ATP2A1: variants seen among roughly 807,000 people sequenced by gnomAD.
ATP2A1 encodes the protein sarcoplasmic/endoplasmic reticulum calcium ATPase 1.
Under a neutral mutation model 109.5 loss-of-function variants are expected in ATP2A1, and 83 were observed. The ratio of observed to expected loss-of-function variants is 0.76; its 90% CI spans 0.63 to 0.91. The LOEUF (loss-of-function observed/expected upper bound fraction) is 0.91. ATP2A1 is among the 40% of genes least tolerant of loss of function. The pLI is 0.00. For synonymous variants in ATP2A1, 505 were observed against 537.6 expected (o/e 0.94, Z 0.84); for missense variants, 1,101 against 1,341.0 (o/e 0.82, Z 2.80).
intron 6 of ATP2A1, among the ~76,000 whole-genome samples, chr16:28,885,086 A>G (rs2152202196): frequency 6.6e-6 from 1 of 152,038 alleles, no homozygotes; most frequent in Non-Finnish European, 1.5e-5. Context: ...CAAAAAATAC[A>G]AAAAACACAA....
Position 28,880,846 on chromosome 16 carries a change from G to A in ATP2A1, c.220-69G>A. On this transcript the variant is annotated intron_variant, in intron 3 of 22. Coordinates refer to ENST00000395503, the MANE Select transcript of ATP2A1 (RefSeq NM_004320.6). The surrounding 1 kb of genome is among the most constrained non-coding windows in gnomAD (Gnocchi z 4.2). ...CCTGCACAGTTCTCCCCTTTGCAGT[G>A]GTCCACTTCCTTTCTCCATCTGTTT... The A allele has an allele frequency of 7.0e-7, 1 of 1,435,370 alleles. No homozygotes were observed. Among genetic ancestry groups the A allele is most frequent in the Non-Finnish European group, 9.8e-7 (1 of 1,017,618 alleles). 88.9% of individuals were successfully genotyped at this position (1,435,370 alleles called of 1,614,324 possible).
chr16:28,879,359 T>A, intron 2 of ATP2A1, 142 bp from the exon 3 acceptor site: 2 of 912,068 alleles, frequency 2.2e-6, no homozygotes, highest in Non-Finnish European at 3.6e-6. Flanking sequence ...CCAGGCGAGC[T>A]TCTTAGCCCT....
In ATP2A1 at chr16:28,903,759, C is replaced by A. The variant is rs1964163165; in HGVS notation, c.*37+18C>A. ...TGTCACAGGTATCACCCCCTTCTTG[C>A]CCTCAGCCCAGCTGCTGTGCCCCTG... On this transcript the variant is annotated intron_variant, in intron 22 of 22. Coordinates refer to ENST00000395503, the MANE Select transcript of ATP2A1 (RefSeq NM_004320.6). The surrounding 1 kb of genome is among the most constrained non-coding windows in gnomAD (Gnocchi z 5.6). 6 of 1,611,772 alleles carry A rather than the reference C, an allele frequency of 3.7e-6. No homozygotes were observed. Among genetic ancestry groups the A allele is most frequent in the Non-Finnish European group, 5.1e-6 (6 of 1,177,900 alleles).
intron 12 of ATP2A1, among the ~76,000 whole-genome samples, chr16:28,896,436 G>A (rs1361691907): frequency 3.4e-5 from 5 of 149,164 alleles, no homozygotes; most frequent in South Asian, 2.1e-4. Flanking sequence ...TTTTTGAGAC[G>A]GAGTCTCTCT....
rs768902156 is a variant in ATP2A1 at position 28,901,946 on chromosome 16, G to A, written c.2184G>A (p.Lys728=). Residue 728 remains lysine (K), a synonymous_variant, in exon 16 of 23, where the codon AAG becomes AAA. Coordinates refer to ENST00000395503, the MANE Select transcript of ATP2A1 (RefSeq NM_004320.6). ...TGGGATCTGGCACTGCCGTGGCCAA[G>A]ACTGCCTCTGAGATGGTGCTGGCTG... ...IAMGSGTAVA[K]TASEMVLADD... The A allele has an allele frequency of 1.9e-6, 3 of 1,614,264 alleles. No individual in the cohort carries two copies. Among genetic ancestry groups the A allele is most frequent in the Non-Finnish European group, 2.5e-6 (3 of 1,180,052 alleles).
chr16:28,902,324 C>T lies in ATP2A1; in HGVS notation c.2462C>T (p.Pro821Leu), dbSNP rs774562744. The T allele has an allele frequency of 5.0e-6, 8 of 1,614,136 alleles. No homozygotes were observed. Among genetic ancestry groups the T allele is most frequent in the South Asian group, 2.2e-5 (2 of 91,084 alleles). The change falls in exon 17 of 23, where the codon CCC (proline) becomes CTC (leucine). Residue 821 changes from proline to leucine, a missense_variant. Transcript: ENST00000395503. The surrounding 1 kb of genome is among the most constrained non-coding windows in gnomAD (Gnocchi z 4.8). Reference protein sequence around the residue: ...PPDLDIMDRPPRSPKEPLISG... With the variant: ...PPDLDIMDRPLRSPKEPLISG... ...GACCTGGACATCATGGACCGCCCCCCCCGGAGCCCCAAGGAGCCCCTCATC... is the reference window on the plus strand; with the variant it reads ...GACCTGGACATCATGGACCGCCCCCTCCGGAGCCCCAAGGAGCCCCTCATC...
Position 28,881,004 on chromosome 16 carries a change from C to T in ATP2A1, c.309C>T (p.Ile103=), listed in dbSNP as rs777741652. 2 of 1,614,126 alleles carry T rather than the reference C, an allele frequency of 1.2e-6. No homozygotes were observed. Among genetic ancestry groups the T allele is most frequent in the South Asian group, 2.2e-5 (2 of 91,088 alleles). ...VILLILIANA[I]VGVWQERNAE... is the part of the protein sequence containing the mutation. The stretch of plus-strand genomic sequence containing the variant: ...TCTTGATCCTCATTGCCAATGCCAT[C>T]GTGGGGGTTTGGCAGGTTAGCGTTG... The change falls in exon 4 of 23, where the codon ATC becomes ATT. Residue 103 remains isoleucine, a synonymous_variant. Coordinates refer to ENST00000395503, the MANE Select transcript of ATP2A1 (RefSeq NM_004320.6).
At chr16:28,886,992 CAAAAAAAAAA>C (rs559496019) in intron 6 of ATP2A1, among the ~76,000 whole-genome samples, 187 bp from the exon 7 acceptor site, 5 of 74,396 alleles carry the variant, frequency 6.7e-5, no homozygotes, top group Non-Finnish European at 1.1e-4. Context: ...AACTCTGTCT[CAAAAAAAAAA>C]AAAAAAAAAG....
chr16:28,896,714 A>AT (rs1165561318), intron 12 of ATP2A1, among the ~76,000 whole-genome samples: 8,183 of 107,200 alleles, frequency 0.076, 631 homozygotes, highest in African/African-American at 0.19. Context: ...CCTGGCCTTC[A>AT]TTTTTTTTTT....
intron 14 of ATP2A1, among the ~76,000 whole-genome samples, chr16:28,899,646 C>T (rs1226456551): frequency 1.3e-4 from 1 of 7,570 alleles, no homozygotes; most frequent in African/African-American, 1.4e-3. Context: ...CCCCTGCGCC[C>T]GCCCCCCCCC....
intron 6 of ATP2A1, 137 bp downstream of exon 6, chr16:28,884,792 T>G: frequency 2.4e-6 from 2 of 829,392 alleles, no homozygotes; most frequent in Non-Finnish European, 3.7e-6. Flanking sequence ...CAAAAAAATT[T>G]TAAAAACTAG....
chr16:28,879,529 G>A lies in ATP2A1; in HGVS notation c.165G>A (p.Glu55=). The stretch of plus-strand genomic sequence containing the variant: ...AGACCCTGTGGGAGCTGGTGATAGA[G>A]CAGTTTGAAGACCTCCTGGTGCGGA... The part of the protein sequence containing the change: ...EGKTLWELVI[E]QFEDLLVRIL... The change falls in exon 3 of 23, where the codon GAG becomes GAA. Residue 55 remains glutamate, a synonymous_variant. Transcript: ENST00000395503. The A allele has an allele frequency of 6.2e-7, 1 of 1,614,182 alleles. No homozygotes were observed. The highest frequency in any genetic ancestry group is 1.1e-5 in the South Asian group (1 of 91,088).
chr16:28,892,242 T>G (rs146086965), intron 9 of ATP2A1: 101 of 210,696 alleles, frequency 4.8e-4, no homozygotes, highest in African/African-American at 6.3e-4. Context: ...GAAGGAAATG[T>G]CAAACGTCAG....
rs746484055 is a variant in ATP2A1, at chr16:28,902,303, T to G, written c.2441T>G (p.Leu814Arg). 4 of 1,613,942 alleles carry G rather than the reference T, an allele frequency of 2.5e-6. No individual in the cohort carries two copies. The African/African-American group carries it at 5.3e-5, about 22-fold the overall frequency. ...GCCCTGGGCTTCAACCCACCAGACC[T>G]GGACATCATGGACCGCCCCCCCCGG... Reference protein sequence around the residue: ...ATALGFNPPDLDIMDRPPRSP... With the variant: ...ATALGFNPPDRDIMDRPPRSP... The change falls in exon 17 of 23, where the codon CTG becomes CGG. Residue 814 changes from leucine to arginine, a missense_variant. Transcript: ENST00000395503. The surrounding 1 kb of genome is among the most constrained non-coding windows in gnomAD (Gnocchi z 4.8).
In ATP2A1 at chr16:28,881,526, C is replaced by A. The variant is rs913351703; in HGVS notation, c.324+507C>A. The A allele has an allele frequency of 1.3e-5, 3 of 235,500 alleles. No individual in the cohort carries two copies. The Admixed American group carries it at 1.6e-4, about 12-fold the overall frequency. The allele number at this position is 235,500 out of a possible 1,614,324, so 14.6% of individuals were successfully genotyped here. A position where few individuals can be genotyped will look rare whatever the true frequency, so the allele number is the denominator to read the frequency against. ...TTTTTGGTGCTCACTGGTTTCTGAA[C>A]ACTGAGGATAGAAATAGCCACTTTC... On this transcript the variant is annotated intron_variant, in intron 4 of 22. Transcript: ENST00000395503.
Position 28,891,274 on chromosome 16 carries a change from C to A in ATP2A1, c.1095+2321C>A, listed in dbSNP as rs144168973. 6.2e-3 allele frequency among the ~76,000 whole-genome samples: 939 copies of A among 151,078 alleles called. 13 individuals are homozygous for A. The highest frequency in any genetic ancestry group is 0.022 in the African/African-American group (886 of 41,146). On this transcript the variant is annotated intron_variant, in intron 9 of 22. Coordinates refer to ENST00000395503, the MANE Select transcript of ATP2A1 (RefSeq NM_004320.6). ...TTGCGCCATTGCACCCCAGCCTAGG[C>A]GACAAAAGCAAAACTCCATCTCGAA... is the stretch of plus-strand genomic sequence containing the variant.
chr16:28,903,216 C>T lies in ATP2A1; in HGVS notation c.2862+69C>T, dbSNP rs1964140486. On this transcript the variant is annotated intron_variant, in intron 20 of 22. Transcript: ENST00000395503. The surrounding 1 kb of genome is among the most constrained non-coding windows in gnomAD (Gnocchi z 5.6). ...AGCCCACGGCGGGCCCATGACCACT[C>T]CCACCAGGGGCGCCGATGTGGGAGG... is the stretch of plus-strand genomic sequence containing the variant. The T allele has an allele frequency of 4.3e-5, 69 of 1,590,524 alleles. No homozygotes were observed. In the South Asian group the frequency reaches 7.0e-4, roughly 16 times the overall value.
intron 14 of ATP2A1, among the ~76,000 whole-genome samples, chr16:28,900,008 A>G (rs1964026418): frequency 6.7e-6 from 1 of 150,098 alleles, no homozygotes; most frequent in Non-Finnish European, 1.5e-5. Context: ...GAAAGACACG[A>G]TTTGGGCTGG....
In ATP2A1 at chr16:28,898,517, A is replaced by G; in HGVS notation, c.1764+66A>G. 6.6e-7 allele frequency: 1 copy of G among 1,516,118 alleles called. No individual in the cohort carries two copies. The highest frequency in any genetic ancestry group is 1.2e-5 in the South Asian group (1 of 85,850). 93.9% of individuals were successfully genotyped at this position (1,516,118 alleles called of 1,614,324 possible). On this transcript the variant is annotated intron_variant, in intron 14 of 22. Coordinates refer to ENST00000395503, the MANE Select transcript of ATP2A1 (RefSeq NM_004320.6). This position sits in a 1 kb window ranked among gnomAD's most constrained non-coding sequence, Gnocchi z 4.0. ...AGGGCCGGGTCCCAGCCATCCACTCACAGCTCCACCACCCGGATCATTTCC... is the reference window on the plus strand; with the variant it reads ...AGGGCCGGGTCCCAGCCATCCACTCGCAGCTCCACCACCCGGATCATTTCC...
Sources: allele counts gnomAD v4.1 joint callset (sites outside exome capture counted in the v4.1 genomes callset), GRCh38; gene constraint gnomAD v4.1.1; non-coding constraint Gnocchi (gnomAD v3.1); transcripts MANE v1.5; gene names NCBI Gene and HGNC (gene_info 2026-07-23, HGNC 2026-07-21).